The following PRKN variants were observed in gnomAD, a reference collection of about 807,000 sequenced individuals.
PRKN encodes E3 ubiquitin-protein ligase parkin.
Under a neutral mutation model 59.5 loss-of-function variants are expected in PRKN, and 56 were observed. The ratio of observed to expected loss-of-function variants is 0.94; its 90% CI spans 0.76 to 1.18. PRKN has a LOEUF of 1.18. Among genes scored for constraint, PRKN ranks in the 50% most tolerant of loss-of-function variants. The pLI, the probability that PRKN is intolerant of heterozygous loss-of-function variation, is 0.00. For missense variants in PRKN, 657 were observed against 596.4 expected, an observed-to-expected ratio of 1.10 and a Z score of -1.06; for synonymous variants, 250 against 222.1, an observed-to-expected ratio of 1.13 and a Z score of -1.12.
chr6:162,050,596 C>G (rs922506107), intron 5 of PRKN, among the ~76,000 whole-genome samples: 3 of 152,050 alleles, frequency 2.0e-5, no homozygotes, highest in African/African-American at 7.2e-5. Flanking sequence ...ACTAGACTGA[C>G]CAAGTGACTG....
chr6:162,428,309 T>C (rs542496843), intron 2 of PRKN, among the ~76,000 whole-genome samples: 23 of 152,304 alleles, frequency 1.5e-4, no homozygotes, highest in Non-Finnish European at 2.5e-4. Context: ...AATGTATGTA[T>C]AGATTCTCAA....
intron 5 of PRKN, among the ~76,000 whole-genome samples, chr6:161,977,541 G>GTTTTTTTTTTT (rs1562433349): frequency 5.1e-5 from 5 of 98,704 alleles, no homozygotes; most frequent in African/African-American, 1.8e-4. Context: ...CTGTTTTTTT[G>GTTTTTTTTTTT]GTTTTTTTTT....
At chr6:161,654,545 G>C (rs937587723) in intron 7 of PRKN, among the ~76,000 whole-genome samples, 2 of 152,150 alleles carry the variant, frequency 1.3e-5, no homozygotes, top group Non-Finnish European at 2.9e-5. Context: ...TCTCCTTTCT[G>C]GTCTGTCAGT....
intron 2 of PRKN, among the ~76,000 whole-genome samples, chr6:162,415,352 A>G (rs1343574563): frequency 6.6e-6 from 1 of 152,214 alleles, no homozygotes; most frequent in East Asian, 1.9e-4. Flanking sequence ...GCAATCAAGT[A>G]TCACAGGGCA....
intron 9 of PRKN, among the ~76,000 whole-genome samples, chr6:161,495,435 T>A (rs1777713806): frequency 6.6e-6 from 1 of 152,242 alleles, no homozygotes; most frequent in African/African-American, 2.4e-5. Context: ...GTCTGCCAGG[T>A]ACAGACTACA....
intron 7 of PRKN, among the ~76,000 whole-genome samples, chr6:161,696,373 A>C (rs1786022608): frequency 6.6e-6 from 1 of 152,190 alleles, no homozygotes; most frequent in African/African-American, 2.4e-5. Flanking sequence ...TAAAGGGAAG[A>C]ACTCTGTTTT....
At chr6:161,854,211 C>T (rs928858447) in intron 6 of PRKN, among the ~76,000 whole-genome samples, 12 of 151,646 alleles carry the variant, frequency 7.9e-5, no homozygotes, top group African/African-American at 2.9e-4. Context: ...GCCGAGATCA[C>T]GCTGTTGCAT....
rs538245655 is a variant in PRKN, at chr6:162,257,513, A to C, written c.412+5012T>G. On this transcript the variant is annotated intron_variant, in intron 3 of 11. Coordinates refer to ENST00000366898, the MANE Select transcript of PRKN (RefSeq NM_004562.3). ...TATTCAGGAAAACACAGGCTACTGG[A>C]TATTTTACATAAGCTCTGAAGTGAG... Among the ~76,000 whole-genome samples, 519 of 152,250 alleles carry C rather than the reference A, an allele frequency of 3.4e-3. 2 individuals are homozygous for C. Among genetic ancestry groups the C allele is most frequent in the African/African-American group, 0.012 (491 of 41,536 alleles).
chr6:162,456,850 A>G (rs1338722011), intron 1 of PRKN, among the ~76,000 whole-genome samples: 1 of 152,186 alleles, frequency 6.6e-6, no homozygotes, highest in Non-Finnish European at 1.5e-5. Context: ...AGGTTTCTAT[A>G]ATGTGTATTT....
At position 161,915,570 on chromosome 6, in the gene PRKN, A is replaced by G. The variant is rs115673987; in HGVS notation, c.734+57732T>C. The stretch of plus-strand genomic sequence containing the variant: ...CCTGTAAATGTGAGAACTGTAATTG[A>G]TCTCTGCTATGCGTGAGTGACATGG... On this transcript the variant is annotated intron_variant, in intron 6 of 11. Coordinates refer to ENST00000366898, the MANE Select transcript of PRKN (RefSeq NM_004562.3). Among the ~76,000 whole-genome samples, 1,057 of 152,280 alleles carry G rather than the reference A, an allele frequency of 6.9e-3. 6 individuals are homozygous for G. Among genetic ancestry groups the G allele is most frequent in the African/African-American group, 0.024 (1,002 of 41,556 alleles).
At chr6:162,035,629 G>T (rs150872597) in intron 5 of PRKN, among the ~76,000 whole-genome samples, 2 of 152,264 alleles carry the variant, frequency 1.3e-5, no homozygotes, top group African/African-American at 4.8e-5. Context: ...GCAATTTGGA[G>T]AATTTACTAT....
chr6:162,671,868 T>C (rs1327511309), intron 1 of PRKN, among the ~76,000 whole-genome samples: 2 of 151,866 alleles, frequency 1.3e-5, no homozygotes, highest in Non-Finnish European at 2.9e-5. Context: ...AGGCAGGTGC[T>C]GAGAGGAGGA....
At chr6:161,599,495 C>T (rs554435076) in intron 7 of PRKN, among the ~76,000 whole-genome samples, 21 of 152,198 alleles carry the variant, frequency 1.4e-4, no homozygotes, top group Admixed American at 7.2e-4. Context: ...ATAAAAATAA[C>T]GTTTCTTTAG....
In PRKN at chr6:161,733,756, A is replaced by G. The variant is rs1787816824; in HGVS notation, c.871+52016T>C. Among the ~76,000 whole-genome samples the G allele has an allele frequency of 3.0e-5, 4 of 134,884 alleles. No homozygotes were observed. In the Admixed American group the frequency reaches 3.3e-4, roughly 11 times the overall value. 88.5% of individuals were successfully genotyped at this position (134,884 alleles called of 152,430 possible). A position where few individuals can be genotyped will look rare whatever the true frequency, so the allele number is the denominator to read the frequency against. ...AATATCCCTGCTTAGTATTGTTGAAAATTCCCAGGGGGTGAAAAAAAAAAA... is the reference window on the plus strand; with the variant it reads ...AATATCCCTGCTTAGTATTGTTGAAGATTCCCAGGGGGTGAAAAAAAAAAA... On this transcript the variant is annotated intron_variant, in intron 7 of 11. Transcript: ENST00000366898.
At chr6:161,586,525 ACGAATC>A (rs1781528136) in intron 7 of PRKN, among the ~76,000 whole-genome samples, 2 of 152,186 alleles carry the variant, frequency 1.3e-5, no homozygotes, top group Non-Finnish European at 2.9e-5. Flanking sequence ...ATTTTGTGAA[ACGAATC>A]AATCAATCAA....
At chr6:162,514,800 C>T (rs1382789343) in intron 1 of PRKN, among the ~76,000 whole-genome samples, 1 of 152,038 alleles carries the variant, frequency 6.6e-6, no homozygotes, top group African/African-American at 2.4e-5. Flanking sequence ...GTCCTGATGA[C>T]TAAAACCATC....
In PRKN at chr6:162,550,091, A is replaced by G. The variant is rs141464186; in HGVS notation, c.8-106618T>C. 7.0e-3 allele frequency among the ~76,000 whole-genome samples: 1,063 copies of G among 152,360 alleles called. 5 individuals are homozygous for G. The highest frequency in any genetic ancestry group is 0.021 in the Admixed American group (327 of 15,298). ...AATAATATCACCTTCACAATAGAAA[A>G]TAAAGATCTATGTGCAGATAGGTTA... On this transcript the variant is annotated intron_variant, in intron 1 of 11. Transcript: ENST00000366898.
At position 161,482,823 on chromosome 6, in the gene PRKN, C is replaced by T. The variant is rs78938796; in HGVS notation, c.1083+66031G>A. 7.8e-3 allele frequency among the ~76,000 whole-genome samples: 1,189 copies of T among 152,282 alleles called. 11 individuals are homozygous for T. The highest frequency in any genetic ancestry group is 0.01 in the Non-Finnish European group (707 of 68,024). On this transcript the variant is annotated intron_variant, in intron 9 of 11. Transcript: ENST00000366898. ...TTACAAGGGTTTCCTAGAGGACTTGCACAACTTTTTGGTATTAAAACAAAA... is the reference window on the plus strand; with the variant it reads ...TTACAAGGGTTTCCTAGAGGACTTGTACAACTTTTTGGTATTAAAACAAAA...
At chr6:162,393,629 T>A (rs1404412287) in intron 2 of PRKN, among the ~76,000 whole-genome samples, 7 of 152,218 alleles carry the variant, frequency 4.6e-5, no homozygotes, top group African/African-American at 1.7e-4. Context: ...TAATGTAGAA[T>A]CTAGACAATC....
Sources: gnomAD v4.1 joint callset for allele counts (sites outside exome capture counted in the v4.1 genomes callset) on GRCh38, gnomAD v4.1.1 for gene constraint, MANE v1.5 for transcripts, NCBI Gene and HGNC (gene_info 2026-07-23, HGNC 2026-07-21) for gene names.